Variants in SLC5A1 observed in about 807,000 individuals in gnomAD.
The protein encoded by SLC5A1 is solute carrier family 5 member 1, also known as sodium/glucose cotransporter 1.
A neutral mutation model predicts 73.5 loss-of-function variants in SLC5A1; 42 were observed. The observed-to-expected ratio is 0.57, with a 90% CI of 0.45 to 0.74. The LOEUF (loss-of-function observed/expected upper bound fraction) is 0.74. SLC5A1 is among the 30% of genes least tolerant of loss of function. SLC5A1 has a pLI of 0.00. For synonymous variants in SLC5A1, 300 were observed against 317.4 expected, an observed-to-expected ratio of 0.95 and a Z score of 0.58; for missense variants, 634 against 855.4, an observed-to-expected ratio of 0.74 and a Z score of 3.23.
At chr22:32,063,360 G>A (rs1338551837) in intron 2 of SLC5A1, among the ~76,000 whole-genome samples, 2 of 152,300 alleles carry the variant, frequency 1.3e-5, no homozygotes, top group Middle Eastern at 6.8e-3. Flanking sequence ...AGTCACAACT[G>A]GTTCATTATT....
At chr22:32,092,641 T>TG (rs2094019915) in intron 11 of SLC5A1, among the ~76,000 whole-genome samples, 1 of 152,180 alleles carries the variant, frequency 6.6e-6, no homozygotes, top group African/African-American at 2.4e-5. Context: ...CAGTCATTCT[T>TG]GGAGTAAGGT....
intron 2 of SLC5A1, among the ~76,000 whole-genome samples, chr22:32,060,136 T>TACAC: frequency 1.1e-5 from 1 of 94,512 alleles, no homozygotes; most frequent in African/African-American, 3.9e-5. Flanking sequence ...CACACATATA[T>TACAC]ATACACATAC....
At chr22:32,065,083 A>G (rs576814973) in intron 2 of SLC5A1, among the ~76,000 whole-genome samples, 1 of 152,226 alleles carries the variant, frequency 6.6e-6, no homozygotes, top group South Asian at 2.1e-4. Flanking sequence ...AGGTAGTACT[A>G]CAGGCACGCA....
chr22:32,071,097 G>A (rs750123086), intron 5 of SLC5A1, among the ~76,000 whole-genome samples: 2 of 152,138 alleles, frequency 1.3e-5, no homozygotes, highest in African/African-American at 4.8e-5. Flanking sequence ...AGATCACTGG[G>A]TGTTGGTGAG....
At chr22:32,081,533 C>T (rs2093999821) in intron 5 of SLC5A1, among the ~76,000 whole-genome samples, 1 of 152,166 alleles carries the variant, frequency 6.6e-6, no homozygotes, top group African/African-American at 2.4e-5. Flanking sequence ...CTACAGGTGA[C>T]TTGCAAGGAA....
intron 7 of SLC5A1, among the ~76,000 whole-genome samples, chr22:32,083,447 G>A (rs1324331456): frequency 1.3e-5 from 2 of 152,178 alleles, no homozygotes; most frequent in African/African-American, 4.8e-5. Context: ...ATGGTGTTCT[G>A]TTTGCAGAGA....
At chr22:32,066,373 C>G (rs1005255411) in intron 2 of SLC5A1, among the ~76,000 whole-genome samples, 1 of 152,184 alleles carries the variant, frequency 6.6e-6, no homozygotes, top group African/African-American at 2.4e-5. Flanking sequence ...CTTGGGAGTT[C>G]ATGGAGTCAC....
At position 32,072,612 on chromosome 22, in the gene SLC5A1, T is replaced by C. The variant is rs545785440; in HGVS notation, c.477+4012T>C. Among the ~76,000 whole-genome samples the C allele has an allele frequency of 4.6e-5, 7 of 152,348 alleles. No individual in the cohort carries two copies. In the South Asian group the frequency reaches 1.4e-3, roughly 32 times the overall value. On this transcript the variant is annotated intron_variant, in intron 5 of 14. Transcript: ENST00000266088. ...AAAAAATATAACCATTGTGCTATTA[T>C]CATATCTAACAAAATTTACAGTAAT...
chr22:32,046,826 C>A (rs1368195798), intron 1 of SLC5A1, among the ~76,000 whole-genome samples: 2 of 152,210 alleles, frequency 1.3e-5, no homozygotes, highest in East Asian at 3.8e-4. Context: ...TTTACCCCAG[C>A]AGCTTGGAGT....
At chr22:32,058,754 G>T (rs191181481) in intron 2 of SLC5A1, among the ~76,000 whole-genome samples, 3 of 152,132 alleles carry the variant, frequency 2.0e-5, no homozygotes, top group African/African-American at 7.2e-5. Flanking sequence ...TTATGGTCTT[G>T]TTCTTATGAA....
At chr22:32,044,298 C>A (rs1016773901) in intron 1 of SLC5A1, among the ~76,000 whole-genome samples, 2 of 152,096 alleles carry the variant, frequency 1.3e-5, no homozygotes, top group Non-Finnish European at 2.9e-5. Flanking sequence ...CATAGTGAGA[C>A]TCTGTCTCTA....
Position 32,083,067 on chromosome 22 carries a change from T to C in SLC5A1, c.584-7T>C. 2 of 1,614,076 alleles carry C rather than the reference T, an allele frequency of 1.2e-6. No individual in the cohort carries two copies. The highest frequency in any genetic ancestry group is 1.7e-6 in the Non-Finnish European group (2 of 1,179,928). On this transcript the variant is annotated splice_polypyrimidine_tract_variant and splice_region_variant and intron_variant, in intron 6 of 14. Coordinates refer to ENST00000266088, the MANE Select transcript of SLC5A1 (RefSeq NM_000343.4). ...AGGTCAGATGTGTTGTCTTCTTGCC[T>C]GCTTAGGGGGCCTGGCGGCGGTGAT... is the stretch of plus-strand genomic sequence containing the variant.
intron 1 of SLC5A1, among the ~76,000 whole-genome samples, chr22:32,049,127 A>G (rs2093941268): frequency 7.0e-6 from 1 of 142,544 alleles, no homozygotes; most frequent in Non-Finnish European, 1.5e-5. Context: ...TTATATATAT[A>G]TAATCATTAT....
chr22:32,085,172 G>A, intron 9 of SLC5A1, 137 bp downstream of exon 9: 1 of 1,052,528 alleles, frequency 9.5e-7, no homozygotes, highest in Non-Finnish European at 1.5e-6. Flanking sequence ...CTGGAGTGCA[G>A]TGGTGTGATC....
At chr22:32,065,856 C>CTG (rs3069155) in intron 2 of SLC5A1, among the ~76,000 whole-genome samples, 6,810 of 152,254 alleles carry the variant, frequency 0.045, 205 homozygotes, top group Non-Finnish European at 0.07. Context: ...TTGGCATAAT[C>CTG]TCTTTTGGGA....
intron 2 of SLC5A1, chr22:32,059,397 G>A (rs1301108936): frequency 1.1e-6 from 1 of 951,070 alleles, no homozygotes; most frequent in Non-Finnish European, 1.3e-6. Context: ...TGGAGAGGTG[G>A]GACTGGGCTT....
intron 13 of SLC5A1, 76 bp downstream of exon 13, chr22:32,102,313 C>T: frequency 9.3e-7 from 1 of 1,072,150 alleles, no homozygotes; most frequent in East Asian, 2.4e-5. Flanking sequence ...TTAAATTTTT[C>T]ATTATTATGG....
rs1407551430 is a variant in SLC5A1, at chr22:32,099,232, G to T, written c.1330G>T (p.Val444Leu). The change falls in exon 12 of 15, where the codon GTG becomes TTG. Residue 444 changes from valine (V) to leucine (L), a missense_variant. By Grantham distance (32) the Val-to-Leu change is conservative (BLOSUM62 1). Coordinates refer to ENST00000266088, the MANE Select transcript of SLC5A1 (RefSeq NM_000343.4). ...IGISIAWVPI[V>L]QSAQSGQLFD... is the part of the protein sequence containing the mutation. ...CATCAGCATCGCCTGGGTGCCCATT[G>T]TGCAGTCAGCACAAAGTGGGCAACT... 6.2e-7 allele frequency: 1 copy of T among 1,612,138 alleles called. No homozygotes were observed. The highest frequency in any genetic ancestry group is 8.5e-7 in the Non-Finnish European group (1 of 1,179,532).
intron 13 of SLC5A1, 74 bp from the exon 14 acceptor site, chr22:32,104,712 T>G (rs1410412176): frequency 6.2e-6 from 7 of 1,134,644 alleles, no homozygotes; most frequent in Non-Finnish European, 6.6e-6. Context: ...GATGCATATC[T>G]CTTTGCCCCC....
Sources: allele counts gnomAD v4.1 joint callset (sites outside exome capture counted in the v4.1 genomes callset), GRCh38; gene constraint gnomAD v4.1.1; transcripts MANE v1.5; gene names NCBI Gene and HGNC (gene_info 2026-07-23, HGNC 2026-07-21).